DIAPH2: variants seen among roughly 807,000 people sequenced by gnomAD.
The protein encoded by DIAPH2 is diaphanous related formin 2, also known as protein diaphanous homolog 2.
DIAPH2 carries 35 observed loss-of-function variants against 92.7 expected under a neutral mutation model. That is an observed-to-expected ratio of 0.38 (90% confidence interval 0.29 to 0.50). The LOEUF is 0.50. Among genes scored for constraint, DIAPH2 ranks in the 20% least tolerant of loss-of-function variants. The probability of loss-of-function intolerance (pLI) is 0.94; values close to 1 mark genes in which losing one functional copy is unlikely to be tolerated. For synonymous variants in DIAPH2, 301 were observed against 280.4 expected (o/e 1.07, Z -0.73); for missense variants, 701 against 819.5 (o/e 0.86, Z 1.77).
At chrX:97,003,796 G>A (rs1395770631) in intron 17 of DIAPH2, among the ~76,000 whole-genome samples, 1 of 111,734 alleles carries the variant, frequency 8.9e-6, no homozygotes, top group Non-Finnish European at 1.9e-5. Context: ...CTTGCAGAAG[G>A]TTTTTAACTT....
At chrX:97,267,240 A>C (rs1395322341) in intron 23 of DIAPH2, among the ~76,000 whole-genome samples, 1 of 111,917 alleles carries the variant, frequency 8.9e-6, no homozygotes, top group African/African-American at 3.3e-5. Context: ...CTGAGTTATC[A>C]ATAATAAGAA....
chrX:96,789,125 G>A (rs2064480910), intron 4 of DIAPH2, among the ~76,000 whole-genome samples: 1 of 112,048 alleles, frequency 8.9e-6, no homozygotes, highest in Admixed American at 9.4e-5. Context: ...GGCGGAGTTT[G>A]GAGGAATCTA....
chrX:97,357,184 A>G (rs759000679), intron 24 of DIAPH2, among the ~76,000 whole-genome samples: 1 of 111,639 alleles, frequency 9.0e-6, no homozygotes, highest in Admixed American at 9.6e-5. Flanking sequence ...ATACAAGCTG[A>G]CCTTTTCCAG....
intron 21 of DIAPH2, among the ~76,000 whole-genome samples, chrX:97,122,166 C>T (rs769251224): frequency 1.8e-5 from 2 of 111,465 alleles, no homozygotes; most frequent in Admixed American, 9.5e-5. Context: ...ATGGGGAAAA[C>T]CTCATGTGAA....
chrX:96,873,647 TACACACACACACACAC>T (rs3082738), intron 4 of DIAPH2, among the ~76,000 whole-genome samples: 17 of 95,890 alleles, frequency 1.8e-4, no homozygotes, highest in African/African-American at 5.4e-4. Context: ...CGTATATATA[TACACACACACACACAC>T]ACACACACAC....
chrX:96,872,823 C>G (rs1286072681), intron 4 of DIAPH2, among the ~76,000 whole-genome samples: 2 of 111,417 alleles, frequency 1.8e-5, no homozygotes, highest in African/African-American at 6.5e-5. Context: ...ATCCATTTGT[C>G]TGTAGATGGA....
At chrX:97,500,771 T>G (rs1396748794) in intron 26 of DIAPH2, among the ~76,000 whole-genome samples, 12 of 39,021 alleles carry the variant, frequency 3.1e-4, no homozygotes, top group Admixed American at 1.5e-3. Context: ...GAGATATATA[T>G]ATATATATAT....
At chrX:96,991,539 G>GT (rs5903062) in intron 17 of DIAPH2, among the ~76,000 whole-genome samples, 29,874 of 87,034 alleles carry the variant, frequency 0.34, 4,586 homozygotes, top group Admixed American at 0.4. Context: ...GTTTTATGGT[G>GT]TTTTTTTTTT....
At chrX:97,385,484 G>A (rs913911715) in intron 25 of DIAPH2, among the ~76,000 whole-genome samples, 5 of 111,330 alleles carry the variant, frequency 4.5e-5, no homozygotes, top group Middle Eastern at 4.6e-3. Flanking sequence ...ACCCACCTCG[G>A]CCTCCCAAAG....
At chrX:96,811,472 AT>A (rs1422644178) in intron 4 of DIAPH2, among the ~76,000 whole-genome samples, 1 of 111,755 alleles carries the variant, frequency 8.9e-6, no homozygotes, top group Non-Finnish European at 1.9e-5. Context: ...AACAGGGACA[AT>A]TTGATTTCCT....
At position 96,919,818 on chromosome X, in the gene DIAPH2, T is replaced by TG. The variant is rs1263462510; in HGVS notation, c.978+1202dup. On this transcript the variant is annotated intron_variant, in intron 9 of 26. Transcript: ENST00000324765. ...ATCATGACTTCTACTCCAACTATATTGAAAATTTTGGATCAACTTTTATGG... is the reference window on the plus strand; with the variant it reads ...ATCATGACTTCTACTCCAACTATATTGGAAAATTTTGGATCAACTTTTATGG... Among the ~76,000 whole-genome samples, 3 of 111,157 alleles carry TG rather than the reference T, an allele frequency of 2.7e-5. No individual in the cohort carries two copies. In the East Asian group the frequency reaches 8.4e-4, roughly 31 times the overall value.
intron 4 of DIAPH2, among the ~76,000 whole-genome samples, chrX:96,846,260 G>A (rs1043092360): frequency 7.3e-5 from 8 of 109,340 alleles, no homozygotes; most frequent in African/African-American, 2.7e-4. Flanking sequence ...CAATTCTCCT[G>A]CCTCAGCCTC....
intron 17 of DIAPH2, among the ~76,000 whole-genome samples, chrX:97,023,068 T>G (rs753522833): frequency 1.8e-5 from 2 of 111,916 alleles, no homozygotes; most frequent in East Asian, 5.6e-4. Context: ...TATAGGGATA[T>G]GTTAAGTATT....
At chrX:97,343,002 A>G (rs1365913996) in intron 23 of DIAPH2, among the ~76,000 whole-genome samples, 1 of 111,714 alleles carries the variant, frequency 9.0e-6, no homozygotes, top group African/African-American at 3.3e-5. Context: ...ATAGTACTTT[A>G]AAGGGAGAAT....
At chrX:97,228,559 C>T (rs1446212961) in intron 22 of DIAPH2, among the ~76,000 whole-genome samples, 1 of 111,383 alleles carries the variant, frequency 9.0e-6, no homozygotes, top group Non-Finnish European at 1.9e-5. Context: ...CTTTATTAGG[C>T]AGCAATATTC....
intron 26 of DIAPH2, among the ~76,000 whole-genome samples, chrX:97,498,095 T>A (rs1486266184): frequency 2.7e-5 from 3 of 111,610 alleles, no homozygotes; most frequent in African/African-American, 9.8e-5. Flanking sequence ...GTAGTCTTCC[T>A]TTAGGAGCAG....
chrX:97,089,683 TA>T (rs1460554521), intron 19 of DIAPH2, among the ~76,000 whole-genome samples: 1 of 111,694 alleles, frequency 9.0e-6, no homozygotes, highest in Non-Finnish European at 1.9e-5. Flanking sequence ...TGTTTATAAA[TA>T]AACACGAACA....
rs1421988681 is a variant in DIAPH2 at position 97,604,722 on chromosome X, T to C, written c.*5405T>C. 1 of 112,377 alleles carries C rather than the reference T, an allele frequency of 8.9e-6. No individual in the cohort carries two copies. The highest frequency in any genetic ancestry group is 1.9e-5 in the Non-Finnish European group (1 of 53,245). The allele number at this position is 112,377 out of a possible 1,213,427, so 9.3% of individuals were successfully genotyped here. ...CACAGTGCAGGCACAAAACTACCTC[T>C]GATACAGAAGGGTTCTTTACAAGCT... is the stretch of plus-strand genomic sequence containing the variant. On this transcript the variant is annotated 3_prime_UTR_variant, in exon 27 of 27. Transcript: ENST00000324765.
At chrX:96,953,682 G>A (rs1391484539) in intron 15 of DIAPH2, 2 of 112,267 alleles carry the variant, frequency 1.8e-5, no homozygotes, top group Non-Finnish European at 3.8e-5. Flanking sequence ...CCTATCAATG[G>A]TCACATATTG....
Sources: gnomAD v4.1 joint callset for allele counts (sites outside exome capture counted in the v4.1 genomes callset) on GRCh38, gnomAD v4.1.1 for gene constraint, MANE v1.5 for transcripts, NCBI Gene and HGNC (gene_info 2026-07-23, HGNC 2026-07-21) for gene names.